Variants in ARID1B observed in about 807,000 individuals in gnomAD.
ARID1B encodes AT-rich interactive domain-containing protein 1B.
In ARID1B, 30 loss-of-function variants were observed where a neutral mutation model predicts 212.3. That is an observed-to-expected ratio of 0.14 (90% confidence interval 0.11 to 0.19). The LOEUF (loss-of-function observed/expected upper bound fraction) is 0.19. Among genes scored for constraint, ARID1B ranks in the 10% least tolerant of loss-of-function variants. ARID1B has a pLI of 1.00. For synonymous variants in ARID1B, 1,402 were observed against 1,301.7 expected (o/e 1.08, Z -1.66); for missense variants, 2,891 against 3,204.0 (o/e 0.90, Z 2.36).
intron 3 of ARID1B, among the ~76,000 whole-genome samples, chr6:156,904,007 T>G (rs1012694599): frequency 1.3e-5 from 2 of 152,184 alleles, no homozygotes; most frequent in Admixed American, 1.3e-4. Context: ...ATCAATACAT[T>G]TATTGGTTTG....
At chr6:156,950,459 A>G (rs1430692279) in intron 4 of ARID1B, among the ~76,000 whole-genome samples, 1 of 152,232 alleles carries the variant, frequency 6.6e-6, no homozygotes, top group Non-Finnish European at 1.5e-5. Flanking sequence ...AGGTTTGTGT[A>G]TATATATGGG....
At chr6:156,839,601 C>G (rs1562425343) in intron 2 of ARID1B, among the ~76,000 whole-genome samples, 1 of 152,214 alleles carries the variant, frequency 6.6e-6, no homozygotes, top group Non-Finnish European at 1.5e-5. Context: ...CTCACCCATT[C>G]TTCTTCCTCC....
intron 4 of ARID1B, among the ~76,000 whole-genome samples, chr6:156,999,134 A>G (rs1475541293): frequency 2.0e-5 from 3 of 152,208 alleles, no homozygotes; most frequent in Admixed American, 6.5e-5. Context: ...TGGAGACTGG[A>G]TGCGCCATGA....
chr6:156,951,994 C>G (rs1793624378), intron 4 of ARID1B, among the ~76,000 whole-genome samples: 1 of 152,182 alleles, frequency 6.6e-6, no homozygotes. Context: ...CTTTGTTACT[C>G]TGTCCAAAGA....
At chr6:156,914,299 C>G (rs1489531559) in intron 3 of ARID1B, among the ~76,000 whole-genome samples, 2 of 152,330 alleles carry the variant, frequency 1.3e-5, no homozygotes, top group African/African-American at 4.8e-5. Flanking sequence ...TGAAACAGCT[C>G]TTTTCAAAGC....
chr6:157,038,783 C>G (rs181847930), intron 4 of ARID1B, among the ~76,000 whole-genome samples: 26 of 152,300 alleles, frequency 1.7e-4, no homozygotes, highest in African/African-American at 5.3e-4. Flanking sequence ...ATCCTTCATA[C>G]TTACTGAGTA....
At chr6:156,796,323 C>CG (rs1001401613) in intron 1 of ARID1B, among the ~76,000 whole-genome samples, 1 of 151,952 alleles carries the variant, frequency 6.6e-6, no homozygotes, top group Admixed American at 6.6e-5. Context: ...TTTTAAGAGC[C>CG]CACAGGAAGA....
At chr6:157,039,755 TCCTACCTTCCTA>T (rs1394696372) in intron 4 of ARID1B, among the ~76,000 whole-genome samples, 4 of 120,812 alleles carry the variant, frequency 3.3e-5, no homozygotes, top group East Asian at 2.8e-4. Flanking sequence ...CTTCCTTCCT[TCCTACCTTCCTA>T]CCTACCTACC....
rs6938826 is a variant in ARID1B at position 156,899,236 on chromosome 6, G to A, written c.1987-2140G>A. ...GACTGACCGTATTCACACAACTCAC[G>A]TGCAAAGGGAATTGGACTTAGAGTC... On this transcript the variant is annotated intron_variant, in intron 2 of 19. Coordinates refer to ENST00000636930, the MANE Select transcript of ARID1B (RefSeq NM_001374828.1). 2.5e-3 allele frequency among the ~76,000 whole-genome samples: 374 copies of A among 152,144 alleles called. 2 individuals are homozygous for A. The highest frequency in any genetic ancestry group is 8.6e-3 in the African/African-American group (356 of 41,478).
chr6:156,787,356 C>T (rs1222144114), intron 1 of ARID1B, among the ~76,000 whole-genome samples: 6 of 152,056 alleles, frequency 3.9e-5, no homozygotes, highest in African/African-American at 7.2e-5. Context: ...TTTCAGAAAG[C>T]GAGGCATTGA....
At chr6:156,931,961 TAAAAAAAAAAAAAAA>T (rs56102774) in intron 3 of ARID1B, among the ~76,000 whole-genome samples, 1 of 97,414 alleles carries the variant, frequency 1.0e-5, no homozygotes, top group Non-Finnish European at 2.0e-5. Context: ...GATTCCGTCT[TAAAAAAAAAAAAAAA>T]AAAAAAAAAT....
At chr6:156,868,958 G>T (rs1369134493) in intron 2 of ARID1B, among the ~76,000 whole-genome samples, 6 of 152,046 alleles carry the variant, frequency 3.9e-5, no homozygotes, top group African/African-American at 1.4e-4. Context: ...GTACGAATAG[G>T]GTTTATTTGG....
At chr6:156,813,060 A>G (rs1654035591) in intron 1 of ARID1B, among the ~76,000 whole-genome samples, 1 of 144,078 alleles carries the variant, frequency 6.9e-6, no homozygotes, top group Admixed American at 7.0e-5. Context: ...GTATGTATAT[A>G]CATATATATA....
chr6:157,180,921 C>T (rs1412978159), intron 11 of ARID1B, 48 bp from the exon 12 acceptor site: 1 of 1,540,578 alleles, frequency 6.5e-7, no homozygotes, highest in South Asian at 1.1e-5. Flanking sequence ...CTTCCCTCTC[C>T]CTCTGCCCAC....
intron 3 of ARID1B, 92 bp downstream of exon 3, chr6:156,901,617 T>C (rs1054457863): frequency 3.1e-5 from 44 of 1,439,530 alleles, no homozygotes; most frequent in Non-Finnish European, 3.9e-5. Context: ...TTAAAAATTA[T>C]GTTCTGGTGG....
chr6:157,017,977 A>AAAG (rs1445388787), intron 4 of ARID1B, among the ~76,000 whole-genome samples: 3 of 150,920 alleles, frequency 2.0e-5, no homozygotes, highest in Admixed American at 6.6e-5. Flanking sequence ...AAAAAAAAAA[A>AAAG]AAAAATTAGC....
rs2115006622 is a variant in ARID1B, at chr6:156,779,466, T to G, written c.1786T>G (p.Ser596Ala). Residue 596 changes from serine to alanine, a missense_variant, in exon 1 of 20, where the codon TCC becomes GCC. Around this residue, in one of 7 missense-constraint regions of ARID1B, gnomAD observed 1,643 missense variants for 1,544.0 expected, o/e 1.06. Transcript: ENST00000636930. ...PGTPGPTMGRSQGSPMDPMVM... is the reference protein window; with the variant it reads ...PGTPGPTMGRAQGSPMDPMVM... ...CACCCCCGGACCGACCATGGGCAGA[T>G]CCCAGGTAACCCTCGCGCCAGCCGG... 1 of 1,410,602 alleles carries G rather than the reference T, an allele frequency of 7.1e-7. No individual in the cohort carries two copies. Among genetic ancestry groups the G allele is most frequent in the Non-Finnish European group, 9.3e-7 (1 of 1,076,052 alleles). The allele number at this position is 1,410,602 out of a possible 1,614,324, so 87.4% of individuals were successfully genotyped here. A position where few individuals can be genotyped will look rare whatever the true frequency, so the allele number is the denominator to read the frequency against.
intron 6 of ARID1B, among the ~76,000 whole-genome samples, chr6:157,122,121 C>G (rs921816105): frequency 6.6e-6 from 1 of 152,158 alleles, no homozygotes; most frequent in South Asian, 2.1e-4. Context: ...GTCATTAGGC[C>G]AACTAGGCCA....
intron 2 of ARID1B, among the ~76,000 whole-genome samples, chr6:156,848,002 A>G (rs758594325): frequency 5.7e-4 from 87 of 152,322 alleles, no homozygotes; most frequent in Non-Finnish European, 4.9e-4. Flanking sequence ...AAGCATTCAT[A>G]TTTAGAATCG....
Sources: allele counts gnomAD v4.1 joint callset (sites outside exome capture counted in the v4.1 genomes callset), GRCh38; gene constraint gnomAD v4.1.1; regional missense constraint gnomAD v4.1.1; transcripts MANE v1.5; gene names NCBI Gene and HGNC (gene_info 2026-07-23, HGNC 2026-07-21).